The following CCDC63 variants were observed in gnomAD, a reference collection of about 807,000 sequenced individuals.
CCDC63 encodes coiled-coil domain-containing protein 63.
In CCDC63, 54 loss-of-function variants were observed where a neutral mutation model predicts 63.6. The observed-to-expected ratio is 0.85, with a 90% CI of 0.68 to 1.07. CCDC63 has a LOEUF of 1.07. Ranked by LOEUF, CCDC63 falls within the 50% of genes least tolerant of loss-of-function variation. CCDC63 has a pLI of 0.00. For synonymous variants in CCDC63, 253 were observed against 266.1 expected (o/e 0.95, Z 0.48); for missense variants, 637 against 689.6 (o/e 0.92, Z 0.86).
chr12:110,853,764 GA>G (rs1007954452), intron 3 of CCDC63, among the ~76,000 whole-genome samples, 190 bp downstream of exon 3: 1 of 152,198 alleles, frequency 6.6e-6, no homozygotes, highest in African/African-American at 2.4e-5. Context: ...CTTCAGTGAA[GA>G]GGGGGAATTT....
intron 1 of CCDC63, among the ~76,000 whole-genome samples, chr12:110,852,556 C>T (rs180777627): frequency 3.6e-4 from 55 of 152,240 alleles, no homozygotes; most frequent in African/African-American, 7.7e-4. Context: ...CCACCATGCC[C>T]GGCCCCCTGA....
At chr12:110,905,435 C>T (rs969768402) in intron 11 of CCDC63, among the ~76,000 whole-genome samples, 4 of 152,138 alleles carry the variant, frequency 2.6e-5, no homozygotes, top group African/African-American at 9.7e-5. Context: ...ATTGACCTCA[C>T]CTGCTTTTTG....
At chr12:110,894,714 C>G (rs2071397293) in intron 9 of CCDC63, among the ~76,000 whole-genome samples, 1 of 152,194 alleles carries the variant, frequency 6.6e-6, no homozygotes, top group African/African-American at 2.4e-5. Context: ...TCGGGGCCAC[C>G]CAGAATCCAG....
At chr12:110,898,116 T>TA (rs1298254960) in intron 9 of CCDC63, among the ~76,000 whole-genome samples, 1 of 150,526 alleles carries the variant, frequency 6.6e-6, no homozygotes. Context: ...ACCCCATCTC[T>TA]AAAAAAAATA....
At chr12:110,871,153 T>C (rs1260555490) in intron 4 of CCDC63, among the ~76,000 whole-genome samples, 6 of 152,128 alleles carry the variant, frequency 3.9e-5, no homozygotes, top group African/African-American at 1.4e-4. Flanking sequence ...TTATTTTTAT[T>C]TTTTTTGAGA....
Position 110,897,439 on chromosome 12 carries a change from A to C in CCDC63, c.1150-1494A>C, listed in dbSNP as rs574240772. Among the ~76,000 whole-genome samples, 16 of 151,308 alleles carry C rather than the reference A, an allele frequency of 1.1e-4. No homozygotes were observed. The South Asian group carries it at 1.5e-3, about 14-fold the overall frequency. ...CCCATCTCTACAAAATTAAAAAAAA[A>C]CCCAAAAACTTAGCTGGGTGTGGTG... On this transcript the variant is annotated intron_variant, in intron 9 of 11. Coordinates refer to ENST00000308208, the MANE Select transcript of CCDC63 (RefSeq NM_152591.3).
intron 1 of CCDC63, among the ~76,000 whole-genome samples, chr12:110,849,498 C>CTTTT (rs56059098): frequency 4.8e-5 from 6 of 126,294 alleles, no homozygotes; most frequent in East Asian, 2.3e-4. Context: ...CTCTTATTTC[C>CTTTT]TTTTTTTTTT....
At chr12:110,896,835 A>C (rs2071420666) in intron 9 of CCDC63, among the ~76,000 whole-genome samples, 1 of 152,242 alleles carries the variant, frequency 6.6e-6, no homozygotes, top group South Asian at 2.1e-4. Context: ...ACAGGCTGGC[A>C]GAGCTTCTCA....
At chr12:110,892,100 T>C (rs924294973) in intron 8 of CCDC63, among the ~76,000 whole-genome samples, 20 of 152,072 alleles carry the variant, frequency 1.3e-4, no homozygotes, top group Admixed American at 6.5e-4. Flanking sequence ...GCCCTGGGCA[T>C]GGGTTCTGGC....
intron 4 of CCDC63, among the ~76,000 whole-genome samples, chr12:110,860,682 C>T (rs2070841937): frequency 6.6e-6 from 1 of 152,132 alleles, no homozygotes; most frequent in Non-Finnish European, 1.5e-5. Context: ...CTCTGCCTCC[C>T]AGGCTCAACC....
intron 4 of CCDC63, among the ~76,000 whole-genome samples, chr12:110,863,742 T>C (rs1179923930): frequency 6.6e-6 from 1 of 152,150 alleles, no homozygotes; most frequent in Non-Finnish European, 1.5e-5. Flanking sequence ...GGTTTCACCA[T>C]GTTAGCCAGG....
At chr12:110,867,894 A>C (rs1221142717) in intron 4 of CCDC63, among the ~76,000 whole-genome samples, 1 of 150,210 alleles carries the variant, frequency 6.7e-6, no homozygotes, top group East Asian at 2.0e-4. Context: ...CACTTCCCAG[A>C]TGGGGTGGCT....
chr12:110,864,666 C>T (rs1042594250), intron 4 of CCDC63, among the ~76,000 whole-genome samples: 1 of 150,514 alleles, frequency 6.6e-6, no homozygotes. Flanking sequence ...CAAGATCACG[C>T]CACTGTACTC....
chr12:110,896,876 G>T (rs1371393204), intron 9 of CCDC63, among the ~76,000 whole-genome samples: 1 of 152,334 alleles, frequency 6.6e-6, no homozygotes, highest in East Asian at 1.9e-4. Flanking sequence ...TCACCGGGAG[G>T]CTTGCTAAAA....
intron 8 of CCDC63, among the ~76,000 whole-genome samples, chr12:110,885,799 G>A (rs1428127956): frequency 1.3e-5 from 2 of 152,176 alleles, no homozygotes; most frequent in African/African-American, 4.8e-5. Flanking sequence ...CAAATGTGGG[G>A]CATGCACGCT....
chr12:110,870,154 C>A (rs1230908747), intron 4 of CCDC63, among the ~76,000 whole-genome samples: 1 of 152,182 alleles, frequency 6.6e-6, no homozygotes, highest in Non-Finnish European at 1.5e-5. Context: ...ATGATCTCGG[C>A]TCACTGCAAC....
intron 9 of CCDC63, 131 bp from the exon 10 acceptor site, chr12:110,898,802 C>T: frequency 1.9e-6 from 1 of 528,648 alleles, no homozygotes; most frequent in East Asian, 3.1e-5. Context: ...GATGGGAACC[C>T]ATTTAATTGA....
intron 3 of CCDC63, among the ~76,000 whole-genome samples, chr12:110,854,258 T>C (rs1448980177): frequency 6.9e-6 from 1 of 145,290 alleles, no homozygotes; most frequent in Non-Finnish European, 1.5e-5. Context: ...TTCTTTTCTT[T>C]TTTTTTTTTT....
intron 4 of CCDC63, among the ~76,000 whole-genome samples, chr12:110,865,617 A>C (rs974667357): frequency 6.6e-6 from 1 of 152,218 alleles, no homozygotes; most frequent in Admixed American, 6.5e-5. Flanking sequence ...CCGTTAACTA[A>C]ATAGTGTTGC....
Sources: gnomAD v4.1 joint callset for allele counts (sites outside exome capture counted in the v4.1 genomes callset) on GRCh38, gnomAD v4.1.1 for gene constraint, MANE v1.5 for transcripts, NCBI Gene and HGNC (gene_info 2026-07-23, HGNC 2026-07-21) for gene names.